The following DOLPP1 variants were observed in gnomAD, a reference collection of about 807,000 sequenced individuals.
The protein encoded by DOLPP1 is dolichyldiphosphatase 1.
A neutral mutation model predicts 34.1 loss-of-function variants in DOLPP1; 15 were observed. The observed-to-expected ratio is 0.44, with a 90% CI of 0.29 to 0.68. The LOEUF (loss-of-function observed/expected upper bound fraction) is 0.68. Among genes scored for constraint, DOLPP1 ranks in the 30% least tolerant of loss-of-function variants. The pLI, the probability that DOLPP1 is intolerant of heterozygous loss-of-function variation, is 0.12. For synonymous variants in DOLPP1, 130 were observed against 128.2 expected (o/e 1.01, Z -0.10); for missense variants, 249 against 307.1 (o/e 0.81, Z 1.41).
intron 7 of DOLPP1, 116 bp from the exon 8 acceptor site, chr9:129,088,855 C>T: frequency 9.8e-7 from 1 of 1,018,572 alleles, no homozygotes; most frequent in African/African-American, 1.6e-5. Flanking sequence ...AGGTCAATCG[C>T]TGGCTACTGG....
chr9:129,081,279 T>C (rs1271432349), intron 1 of DOLPP1, 72 bp downstream of exon 1: 12 of 1,573,648 alleles, frequency 7.6e-6, no homozygotes, highest in Non-Finnish European at 8.6e-6. Context: ...TCCGGCCTGC[T>C]CGAGCCCGCG....
At chr9:129,081,293 G>A in intron 1 of DOLPP1, 86 bp downstream of exon 1, 2 of 1,515,598 alleles carry the variant, frequency 1.3e-6, no homozygotes, top group South Asian at 1.1e-5. Context: ...GCCCGCGGAG[G>A]GGGCGCCGGG....
chr9:129,086,811 G>T lies in DOLPP1; in HGVS notation c.680+13G>T. The T allele has an allele frequency of 6.2e-7, 1 of 1,612,126 alleles. No homozygotes were observed. Among genetic ancestry groups the T allele is most frequent in the Non-Finnish European group, 8.5e-7 (1 of 1,179,028 alleles). The stretch of plus-strand genomic sequence containing the variant: ...GGGCAGAAGCCAGGTGAGTTCAGGG[G>T]ACAGCAGTGCTCACTGGGCCAGCCA... On this transcript the variant is annotated intron_variant, in intron 7 of 7. Transcript: ENST00000372546.
At chr9:129,081,679 C>G (rs913301961) in intron 1 of DOLPP1, among the ~76,000 whole-genome samples, 1 of 152,212 alleles carries the variant, frequency 6.6e-6, no homozygotes, top group African/African-American at 2.4e-5. Flanking sequence ...CGAAGCCAGG[C>G]TTTTGAGTAC....
At chr9:129,081,327 T>C in intron 1 of DOLPP1, 120 bp downstream of exon 1, 2 of 1,263,964 alleles carry the variant, frequency 1.6e-6, no homozygotes, top group Non-Finnish European at 2.1e-6. Flanking sequence ...AACTGTCAAA[T>C]AGTGAACCAC....
chr9:129,087,474 C>G (rs954121394), intron 7 of DOLPP1, among the ~76,000 whole-genome samples: 10 of 152,154 alleles, frequency 6.6e-5, no homozygotes, highest in Non-Finnish European at 1.5e-4. Context: ...CGCCACCACG[C>G]CCGGCTAATT....
intron 1 of DOLPP1, among the ~76,000 whole-genome samples, chr9:129,084,170 C>A (rs1436432961): frequency 6.6e-6 from 1 of 152,212 alleles, no homozygotes. Context: ...GCCCAGGGCT[C>A]AGCCAGGGCA....
chr9:129,081,314 G>A, intron 1 of DOLPP1, 107 bp downstream of exon 1: 1 of 1,422,364 alleles, frequency 7.0e-7, no homozygotes, highest in Non-Finnish European at 9.5e-7. Context: ...GGACCGGGGT[G>A]GGAACTGTCA....
chr9:129,085,611 C>T lies in DOLPP1; in HGVS notation c.456C>T (p.Tyr152=), dbSNP rs1213934971. The T allele has an allele frequency of 6.2e-7, 1 of 1,611,886 alleles. No homozygotes were observed. Among genetic ancestry groups the T allele is most frequent in the African/African-American group, 1.3e-5 (1 of 75,016 alleles). Reference sequence around the variant, plus strand: ...TCGCTGTGGCCTTCCTAGTCTCCTACAGCAGGTATGGAGGAGGGAGAGCCC... The same window carrying T: ...TCGCTGTGGCCTTCCTAGTCTCCTATAGCAGGTATGGAGGAGGGAGAGCCC... ...GLLAVAFLVS[Y]SRVYLLYHTW... The change falls in exon 5 of 8, where the codon TAC becomes TAT. Residue 152 remains tyrosine, a synonymous_variant. Transcript: ENST00000372546. This position sits in a 1 kb window ranked among gnomAD's most constrained non-coding sequence, Gnocchi z 7.0.
At chr9:129,084,159 G>T (rs1052538834) in intron 1 of DOLPP1, among the ~76,000 whole-genome samples, 1 of 152,202 alleles carries the variant, frequency 6.6e-6, no homozygotes, top group African/African-American at 2.4e-5. Context: ...TTTCCCTGGA[G>T]GCCCAGGGCT....
intron 1 of DOLPP1, among the ~76,000 whole-genome samples, chr9:129,081,745 G>C (rs1343113297): frequency 6.6e-6 from 1 of 152,240 alleles, no homozygotes. Context: ...GACCCGATGA[G>C]GGGGCGGGCA....
rs375613874 is a variant in DOLPP1 at position 129,086,756 on chromosome 9, A to G, written c.638A>G (p.Asn213Ser). 2.7e-5 allele frequency: 43 copies of G among 1,613,880 alleles called. No homozygotes were observed. Among genetic ancestry groups the G allele is most frequent in the East Asian group, 4.5e-5 (2 of 44,884 alleles). The change falls in exon 7 of 8, where the codon AAC (asparagine) becomes AGC (serine). Residue 213 changes from asparagine to serine, a missense_variant. Asn to Ser is a conservative substitution (Grantham distance 46). Transcript: ENST00000372546. ...FLIRDTSLIPNVLWFEYTVTR... is the reference protein window; with the variant it reads ...FLIRDTSLIPSVLWFEYTVTR... ...ATCCGAGACACAAGCCTCATTCCCAACGTACTCTGGTTTGAGTACACGGTA... is the reference window on the plus strand; with the variant it reads ...ATCCGAGACACAAGCCTCATTCCCAGCGTACTCTGGTTTGAGTACACGGTA...
Position 129,085,118 on chromosome 9 carries a change from A to AG in DOLPP1, c.262+12dup, listed in dbSNP as rs1162738148. ...CACGGCCCTGTGGAGGTAGGGCCTC[A>AG]GCTGCGAGGGCCTGAGGTTCCCCCA... is the stretch of plus-strand genomic sequence containing the variant. On this transcript the variant is annotated intron_variant, in intron 3 of 7. Transcript: ENST00000372546. This position sits in a 1 kb window ranked among gnomAD's most constrained non-coding sequence, Gnocchi z 7.0. 2 of 1,602,828 alleles carry AG rather than the reference A, an allele frequency of 1.2e-6. No homozygotes were observed. Among genetic ancestry groups the AG allele is most frequent in the Non-Finnish European group, 8.5e-7 (1 of 1,174,212 alleles).
At position 129,085,399 on chromosome 9, in the gene DOLPP1, G is replaced by A; in HGVS notation, c.362+93G>A. 1 of 1,499,022 alleles carries A rather than the reference G, an allele frequency of 6.7e-7. No homozygotes were observed. Among genetic ancestry groups the A allele is most frequent in the Non-Finnish European group, 9.3e-7 (1 of 1,078,396 alleles). The allele number at this position is 1,499,022 out of a possible 1,614,324, so 92.9% of individuals were successfully genotyped here. A position where few individuals can be genotyped will look rare whatever the true frequency, so the allele number is the denominator to read the frequency against. The stretch of plus-strand genomic sequence containing the variant: ...CTAGCCCTTTGGATGCCCCTGGGGT[G>A]GGAGGGGCTGCAGCGGAGGCAGAAG... On this transcript the variant is annotated intron_variant, in intron 4 of 7. Transcript: ENST00000372546. This position sits in a 1 kb window ranked among gnomAD's most constrained non-coding sequence, Gnocchi z 7.0.
At chr9:129,084,795 C>T (rs1200611643) in intron 2 of DOLPP1, 27 bp downstream of exon 2, 2 of 1,520,806 alleles carry the variant, frequency 1.3e-6, no homozygotes, top group Admixed American at 1.7e-5. Context: ...CACACCCTCC[C>T]CACCCCACCC....
In DOLPP1 at chr9:129,085,412, G is replaced by T; in HGVS notation, c.362+106G>T. 6.6e-7 allele frequency: 1 copy of T among 1,511,010 alleles called. No homozygotes were observed. The highest frequency in any genetic ancestry group is 1.7e-5 in the Admixed American group (1 of 59,382). 93.6% of individuals were successfully genotyped at this position (1,511,010 alleles called of 1,614,324 possible). A position where few individuals can be genotyped will look rare whatever the true frequency, so the allele number is the denominator to read the frequency against. ...TGCCCCTGGGGTGGGAGGGGCTGCA[G>T]CGGAGGCAGAAGGTACCCAGGGAGC... is the stretch of plus-strand genomic sequence containing the variant. On this transcript the variant is annotated intron_variant, in intron 4 of 7. Transcript: ENST00000372546. This position sits in a 1 kb window ranked among gnomAD's most constrained non-coding sequence, Gnocchi z 7.0.
intron 1 of DOLPP1, 164 bp from the exon 2 acceptor site, chr9:129,084,504 G>T: frequency 1.4e-6 from 1 of 705,950 alleles, no homozygotes; most frequent in South Asian, 1.6e-5. Flanking sequence ...GGCTGTGACT[G>T]AGTTGGCACA....
rs1220167096 is a variant in DOLPP1 at position 129,085,831 on chromosome 9, G to A, written c.461+215G>A. Among the ~76,000 whole-genome samples, 1 of 152,224 alleles carries A rather than the reference G, an allele frequency of 6.6e-6. No homozygotes were observed. The highest frequency in any genetic ancestry group is 1.5e-5 in the Non-Finnish European group (1 of 68,034). On this transcript the variant is annotated intron_variant, in intron 5 of 7. Coordinates refer to ENST00000372546, the MANE Select transcript of DOLPP1 (RefSeq NM_020438.5). The surrounding 1 kb of genome is among the most constrained non-coding windows in gnomAD (Gnocchi z 7.0). ...CCCAAGATTCTGGGACCAACTCCAC[G>A]TATCAGCCATCTCTTCCCAGCGTTC... is the stretch of plus-strand genomic sequence containing the variant.
intron 7 of DOLPP1, among the ~76,000 whole-genome samples, chr9:129,088,231 A>G (rs953750357): frequency 1.1e-4 from 17 of 151,618 alleles, no homozygotes; most frequent in Non-Finnish European, 1.0e-4. Context: ...AGGGAAGGGC[A>G]TGCACAACTC....
Sources: gnomAD v4.1 joint callset for allele counts (sites outside exome capture counted in the v4.1 genomes callset) on GRCh38, gnomAD v4.1.1 for gene constraint, Gnocchi (gnomAD v3.1) non-coding constraint, MANE v1.5 for transcripts, NCBI Gene and HGNC (gene_info 2026-07-23, HGNC 2026-07-21) for gene names.